Variants in LRBA observed in about 807,000 individuals in gnomAD.
LRBA encodes the protein LPS responsive beige-like anchor protein.
LRBA carries 176 observed loss-of-function variants against 330.0 expected under a neutral mutation model. The observed-to-expected ratio is 0.53, with a 90% CI of 0.47 to 0.60. LRBA has a LOEUF of 0.60. Ranked by LOEUF, LRBA falls within the 20% of genes least tolerant of loss-of-function variation. The probability of loss-of-function intolerance (pLI) is 0.00; values close to 1 mark genes in which losing one functional copy is unlikely to be tolerated. For synonymous variants in LRBA, 1,230 were observed against 1,193.0 expected (o/e 1.03, Z -0.64); for missense variants, 3,259 against 3,444.8 (o/e 0.95, Z 1.35).
intron 48 of LRBA, among the ~76,000 whole-genome samples, chr4:150,346,734 G>C (rs1316264743): frequency 8.3e-6 from 1 of 120,114 alleles, no homozygotes; most frequent in East Asian, 2.4e-4. Flanking sequence ...ACTCCAGCCT[G>C]GCAACAATGT....
At chr4:150,868,033 A>G (rs1752951792) in intron 21 of LRBA, 149 bp downstream of exon 21, 1 of 918,224 alleles carries the variant, frequency 1.1e-6, no homozygotes, top group Non-Finnish European at 1.6e-6. Flanking sequence ...ATTCTAACTT[A>G]ACTATGTGGT....
chr4:150,882,951 C>T (rs998116455), intron 17 of LRBA, among the ~76,000 whole-genome samples: 1 of 152,232 alleles, frequency 6.6e-6, no homozygotes, highest in African/African-American at 2.4e-5. Flanking sequence ...GTGAAAATTT[C>T]TGTCATTTGA....
At chr4:150,619,314 G>C (rs1436616960) in intron 37 of LRBA, among the ~76,000 whole-genome samples, 1 of 152,152 alleles carries the variant, frequency 6.6e-6, no homozygotes, top group African/African-American at 2.4e-5. Flanking sequence ...ACAATTGGAA[G>C]CTGATGTGGC....
intron 54 of LRBA, among the ~76,000 whole-genome samples, chr4:150,285,001 G>C (rs533495314): frequency 2.0e-5 from 3 of 152,254 alleles, no homozygotes; most frequent in East Asian, 3.9e-4. Context: ...GGCTCAGGAC[G>C]TATGAAATTA....
intron 34 of LRBA, among the ~76,000 whole-genome samples, chr4:150,790,160 C>T (rs1311553871): frequency 1.3e-5 from 2 of 152,152 alleles, no homozygotes; most frequent in Admixed American, 1.3e-4. Context: ...GCATTTACCA[C>T]CCTTGAGAAT....
intron 40 of LRBA, among the ~76,000 whole-genome samples, chr4:150,548,593 A>G (rs897652952): frequency 3.3e-5 from 5 of 152,144 alleles, no homozygotes; most frequent in Non-Finnish European, 7.4e-5. Context: ...AAATACATCA[A>G]TATTAGTTAT....
At chr4:150,904,571 G>C (rs1731108691) in intron 13 of LRBA, among the ~76,000 whole-genome samples, 1 of 151,972 alleles carries the variant, frequency 6.6e-6, no homozygotes, top group African/African-American at 2.4e-5. Context: ...CTAATAAGAG[G>C]CTTTCTGACC....
chr4:150,977,965 A>G (rs150134853), intron 2 of LRBA, among the ~76,000 whole-genome samples: 1 of 152,388 alleles, frequency 6.6e-6, no homozygotes, highest in Non-Finnish European at 1.5e-5. Context: ...GAAACACGCT[A>G]CCCTGAAGGG....
intron 53 of LRBA, among the ~76,000 whole-genome samples, chr4:150,295,518 G>T (rs1259973713): frequency 1.3e-5 from 2 of 152,068 alleles, no homozygotes; most frequent in Non-Finnish European, 2.9e-5. Flanking sequence ...TATTGTCTCT[G>T]ATTATCAAGG....
chr4:150,724,877 T>C (rs548388494), intron 36 of LRBA, among the ~76,000 whole-genome samples: 76 of 147,180 alleles, frequency 5.2e-4, no homozygotes, highest in African/African-American at 1.9e-3. Context: ...TATATGTATA[T>C]ATATACATAT....
chr4:150,895,323 T>G (rs1407328152), intron 16 of LRBA, among the ~76,000 whole-genome samples: 1 of 152,170 alleles, frequency 6.6e-6, no homozygotes, highest in Non-Finnish European at 1.5e-5. Flanking sequence ...AGGGTACATG[T>G]GCACAATGTG....
intron 40 of LRBA, among the ~76,000 whole-genome samples, chr4:150,493,794 G>C (rs991685322): frequency 4.6e-5 from 7 of 152,154 alleles, no homozygotes; most frequent in African/African-American, 1.4e-4. Context: ...AACATTTATA[G>C]TCCAATGTAT....
At chr4:150,574,254 AT>A (rs1358835290) in intron 40 of LRBA, among the ~76,000 whole-genome samples, 1 of 151,894 alleles carries the variant, frequency 6.6e-6, no homozygotes, top group Non-Finnish European at 1.5e-5. Flanking sequence ...TATTTTGTAA[AT>A]TTTTTCCATA....
chr4:150,985,796 T>C (rs1216003332), intron 2 of LRBA, among the ~76,000 whole-genome samples: 2 of 152,046 alleles, frequency 1.3e-5, no homozygotes, highest in Non-Finnish European at 2.9e-5. Flanking sequence ...CCGCGCCCAG[T>C]TGAATTGCAC....
At chr4:150,687,260 A>C (rs1783705778) in intron 36 of LRBA, among the ~76,000 whole-genome samples, 1 of 152,106 alleles carries the variant, frequency 6.6e-6, no homozygotes, top group African/African-American at 2.4e-5. Context: ...TGGAGATAAG[A>C]AATATTTACT....
intron 2 of LRBA, among the ~76,000 whole-genome samples, chr4:150,950,667 A>G (rs1205559982): frequency 6.6e-6 from 1 of 152,170 alleles, no homozygotes; most frequent in Non-Finnish European, 1.5e-5. Flanking sequence ...TGGAGATTAT[A>G]TTAACAATAG....
intron 53 of LRBA, among the ~76,000 whole-genome samples, chr4:150,296,851 TTTAA>T (rs1422030534): frequency 6.6e-6 from 1 of 152,136 alleles, no homozygotes; most frequent in Non-Finnish European, 1.5e-5. Context: ...TCCAGGAAGC[TTTAA>T]TTAAGTGTAT....
intron 40 of LRBA, among the ~76,000 whole-genome samples, chr4:150,548,086 C>T (rs1020330853): frequency 4.6e-5 from 7 of 152,110 alleles, no homozygotes; most frequent in African/African-American, 1.4e-4. Context: ...AAGTCCTGTA[C>T]GTTATATTTG....
At chr4:150,356,090 G>A (rs975927260) in intron 47 of LRBA, among the ~76,000 whole-genome samples, 1 of 151,816 alleles carries the variant, frequency 6.6e-6, no homozygotes, top group Non-Finnish European at 1.5e-5. Flanking sequence ...AGCCTAATTA[G>A]AACTGTTTCA....
Sources: allele counts gnomAD v4.1 joint callset (sites outside exome capture counted in the v4.1 genomes callset), GRCh38; gene constraint gnomAD v4.1.1; transcripts MANE v1.5; gene names NCBI Gene and HGNC (gene_info 2026-07-23, HGNC 2026-07-21).